ZNF319: variants seen among roughly 807,000 people sequenced by gnomAD.
The protein encoded by ZNF319 is zinc finger protein 319.
Under a neutral mutation model 46.0 loss-of-function variants are expected in ZNF319, and 15 were observed. That is an observed-to-expected ratio of 0.33 (90% CI 0.22 to 0.50). The LOEUF (loss-of-function observed/expected upper bound fraction) is 0.50, where lower values mean the gene tolerates loss of function less well. ZNF319 is among the 20% of genes least tolerant of loss of function. ZNF319 has a pLI of 0.98. For missense variants in ZNF319, 635 were observed against 807.0 expected, an observed-to-expected ratio of 0.79 and a Z score of 2.58; for synonymous variants, 368 against 364.0, an observed-to-expected ratio of 1.01 and a Z score of -0.13.
Position 57,996,651 on chromosome 16 carries a change from C to A in ZNF319, c.1615G>T (p.Glu539Ter), listed in dbSNP as rs1350267249. 1 of 1,612,674 alleles carries A rather than the reference C, an allele frequency of 6.2e-7. No homozygotes were observed. The stretch of plus-strand genomic sequence containing the variant: ...CACCATACACACTTGAACTGCTGCT[C>A]GCGGGCGTGCACGCCCTGGTGCTTG... ...LNKHQGVHAR[E>*]QQFKCVWCGE... Residue 539 changes from glutamate (E) to a stop codon, truncating the protein, a stop_gained, in exon 2 of 2, where the codon GAG (glutamate) becomes TAG (stop). Coordinates refer to ENST00000299237, the MANE Select transcript of ZNF319 (RefSeq NM_020807.3). LOFTEE classifies it high-confidence loss of function.
At position 57,997,156 on chromosome 16, in the gene ZNF319, G is replaced by C. The variant is rs770146066; in HGVS notation, c.1110C>G (p.Pro370=). 6.2e-7 allele frequency: 1 copy of C among 1,613,880 alleles called. No homozygotes were observed. Among genetic ancestry groups the C allele is most frequent in the Admixed American group, 1.7e-5 (1 of 60,008 alleles). Reference sequence around the variant, plus strand: ...CCTTCTCACATAGGCCGCATTTGAAGGGCTCCTCGGTCTTGTGTGTGCGCC... The same window carrying C: ...CCTTCTCACATAGGCCGCATTTGAACGGCTCCTCGGTCTTGTGTGTGCGCC... The part of the protein sequence containing the change: ...RHRRTHKTEE[P]FKCGLCEKGF... The change falls in exon 2 of 2, where the codon CCC becomes CCG. Residue 370 remains proline, a synonymous_variant. Transcript: ENST00000299237.
chr16:57,997,062 G>T lies in ZNF319; in HGVS notation c.1204C>A (p.Pro402Thr), dbSNP rs751213346. ...VHTLETLFKC[P>T]VCQKGFDQSA... The stretch of plus-strand genomic sequence containing the variant: ...TGGTCAAAGCCTTTCTGGCACACGG[G>T]GCACTTGAAGAGAGTCTCGAGGGTG... Residue 402 changes from proline (P) to threonine (T), a missense_variant, in exon 2 of 2, where the codon CCC becomes ACC. Transcript: ENST00000299237. 6.2e-7 allele frequency: 1 copy of T among 1,613,468 alleles called. No homozygotes were observed. Among genetic ancestry groups the T allele is most frequent in the Non-Finnish European group, 8.5e-7 (1 of 1,179,910 alleles).
Position 57,995,413 on chromosome 16 carries a change from C to T in ZNF319, c.*1104G>A, listed in dbSNP as rs889321799. ...TGAAGTAGCTGGATGTTGTCCAGAA[C>T]ATCTTGGCTGTACCAGACCCCTGGG... On this transcript the variant is annotated 3_prime_UTR_variant, in exon 2 of 2. Coordinates refer to ENST00000299237, the MANE Select transcript of ZNF319 (RefSeq NM_020807.3). The T allele has an allele frequency of 6.6e-6, 1 of 152,572 alleles. No individual in the cohort carries two copies. Among genetic ancestry groups the T allele is most frequent in the East Asian group, 1.9e-4 (1 of 5,190 alleles). The allele number at this position is 152,572 out of a possible 1,614,324, so 9.5% of individuals were successfully genotyped here.
At position 57,996,462 on chromosome 16, in the gene ZNF319, T is replaced by A. The variant is rs1054252963; in HGVS notation, c.*55A>T. On this transcript the variant is annotated 3_prime_UTR_variant, in exon 2 of 2. Coordinates refer to ENST00000299237, the MANE Select transcript of ZNF319 (RefSeq NM_020807.3). ...GTGAGGAGCTAGGCTGCGCGAGGCC[T>A]GCTGGGCCCACGGCGCCGACTCAGG... 5.5e-6 allele frequency: 8 copies of A among 1,457,334 alleles called. No homozygotes were observed. Among genetic ancestry groups the A allele is most frequent in the Non-Finnish European group, 7.2e-6 (8 of 1,110,316 alleles). The allele number at this position is 1,457,334 out of a possible 1,614,324, so 90.3% of individuals were successfully genotyped here.
At position 57,998,310 on chromosome 16, in the gene ZNF319, T is replaced by C. The variant is rs1963070669; in HGVS notation, c.-45A>G. On this transcript the variant is annotated 5_prime_UTR_variant, in exon 2 of 2. Coordinates refer to ENST00000299237, the MANE Select transcript of ZNF319 (RefSeq NM_020807.3). The stretch of plus-strand genomic sequence containing the variant: ...GGTTTGGAGAGTAATGGCTTCAGTT[T>C]CCCGCTTCACGTGACCCAATCCAGA... 6 of 1,510,824 alleles carry C rather than the reference T, an allele frequency of 4.0e-6. No homozygotes were observed. Among genetic ancestry groups the C allele is most frequent in the Non-Finnish European group, 3.5e-6 (4 of 1,128,916 alleles). 93.6% of individuals were successfully genotyped at this position (1,510,824 alleles called of 1,614,324 possible).
rs1166718856 is a variant in ZNF319, at chr16:57,997,314, C to T, written c.952G>A (p.Gly318Ser). ...TPSGERPFRC[G>S]ECQKAFKRPS... ...CGCTTGAAGGCCTTCTGGCACTCGCCGCAGCGGAAGGGCCGCTCCCCACTT... is the reference window on the plus strand; with the variant it reads ...CGCTTGAAGGCCTTCTGGCACTCGCTGCAGCGGAAGGGCCGCTCCCCACTT... The change falls in exon 2 of 2, where the codon GGC (glycine) becomes AGC (serine). Residue 318 changes from glycine to serine, a missense_variant. Gly to Ser is a moderately conservative substitution (Grantham distance 56, BLOSUM62 0). This residue lies in a region of ZNF319 where 138 missense variants were observed against 248.0 expected (regional missense o/e 0.56). Coordinates refer to ENST00000299237, the MANE Select transcript of ZNF319 (RefSeq NM_020807.3). 2 of 1,610,046 alleles carry T rather than the reference C, an allele frequency of 1.2e-6. No individual in the cohort carries two copies. Among genetic ancestry groups the T allele is most frequent in the African/African-American group, 2.7e-5 (2 of 74,536 alleles).
intron 1 of ZNF319, among the ~76,000 whole-genome samples, 175 bp downstream of exon 1, chr16:57,999,318 A>G (rs1268813387): frequency 6.6e-6 from 1 of 152,146 alleles, no homozygotes; most frequent in East Asian, 1.9e-4. Flanking sequence ...GCCTGCAGGA[A>G]AATGTAAGAA....
chr16:57,996,760 C>T lies in ZNF319; in HGVS notation c.1506G>A (p.Gln502=), dbSNP rs753556245. 1 of 1,611,724 alleles carries T rather than the reference C, an allele frequency of 6.2e-7. No homozygotes were observed. Among genetic ancestry groups the T allele is most frequent in the South Asian group, 1.1e-5 (1 of 90,828 alleles). ...CGCCTGTGTGTACCCGCCGGTGCCG[C>T]TGCAGGTCTGACGCGTACTTGAAGC... ...EKRFKYASDL[Q]RHRRVHTGEK... The change falls in exon 2 of 2, where the codon CAG becomes CAA. Residue 502 remains glutamine, a synonymous_variant. Coordinates refer to ENST00000299237, the MANE Select transcript of ZNF319 (RefSeq NM_020807.3).
chr16:57,996,338 G>A lies in ZNF319; in HGVS notation c.*179C>T. 1.5e-6 allele frequency: 2 copies of A among 1,297,622 alleles called. No individual in the cohort carries two copies. The highest frequency in any genetic ancestry group is 2.0e-6 in the Non-Finnish European group (2 of 985,990). The allele number at this position is 1,297,622 out of a possible 1,614,324, so 80.4% of individuals were successfully genotyped here. A position where few individuals can be genotyped will look rare whatever the true frequency, so the allele number is the denominator to read the frequency against. ...CCCGCACTGCCCGCTGGTGCCAGGA[G>A]TACGAGCGGCACACCCTCTCCCTGC... On this transcript the variant is annotated 3_prime_UTR_variant, in exon 2 of 2. Coordinates refer to ENST00000299237, the MANE Select transcript of ZNF319 (RefSeq NM_020807.3).
chr16:58,000,648 G>A lies in ZNF319; in HGVS notation c.-1413C>T, dbSNP rs1355448768. Among the ~76,000 whole-genome samples, 1 of 148,906 alleles carries A rather than the reference G, an allele frequency of 6.7e-6. No individual in the cohort carries two copies. Among genetic ancestry groups the A allele is most frequent in the Non-Finnish European group, 1.5e-5 (1 of 66,860 alleles). Reference sequence around the variant, plus strand: ...GGAGCGCCGGGAGGGCGGGCGGACGGACCGATGGCCTTGCGGAGACGGGCG... The same window carrying A: ...GGAGCGCCGGGAGGGCGGGCGGACGAACCGATGGCCTTGCGGAGACGGGCG... On this transcript the variant is annotated 5_prime_UTR_variant, in exon 1 of 2. Transcript: ENST00000299237. This position sits in a 1 kb window ranked among gnomAD's most constrained non-coding sequence, Gnocchi z 4.5.
Position 57,998,162 on chromosome 16 carries a change from G to A in ZNF319, c.104C>T (p.Thr35Met), listed in dbSNP as rs377747195. 17 of 1,572,428 alleles carry A rather than the reference G, an allele frequency of 1.1e-5. No individual in the cohort carries two copies. In the South Asian group the frequency reaches 1.3e-4, roughly 12 times the overall value. ...GTTCTCCGCCGTGCCCGGAGGCAGC[G>A]TGTGCTCTGCCAGGGCTGGCGGTGG... ...AEPPPALAEH[T>M]LPPGTAENPL... Residue 35 changes from threonine (T) to methionine (M), a missense_variant, in exon 2 of 2, where the codon ACG becomes ATG. Around this residue, in one of 3 missense-constraint regions of ZNF319, gnomAD observed 227 missense variants for 277.5 expected, o/e 0.82. Coordinates refer to ENST00000299237, the MANE Select transcript of ZNF319 (RefSeq NM_020807.3).
rs776560213 is a variant in ZNF319 at position 57,996,806 on chromosome 16, T to C, written c.1460A>G (p.Lys487Arg). 6 of 1,610,440 alleles carry C rather than the reference T, an allele frequency of 3.7e-6. No individual in the cohort carries two copies. The highest frequency in any genetic ancestry group is 5.1e-6 in the Non-Finnish European group (6 of 1,179,108). Reference sequence around the variant, plus strand: ...GAAGCGTTTCTCGCAGTCTGGGCACTTGAGTGGCTTCTCGCGGGCCGGATC... The same window carrying C: ...GAAGCGTTTCTCGCAGTCTGGGCACCTGAGTGGCTTCTCGCGGGCCGGATC... ...RCDPAREKPL[K>R]CPDCEKRFKY... Residue 487 changes from lysine to arginine, a missense_variant, in exon 2 of 2, where the codon AAG (lysine) becomes AGG (arginine). By Grantham distance (26) the Lys-to-Arg change is conservative (BLOSUM62 2). This residue lies in a region of ZNF319 where 270 missense variants were observed against 281.4 expected (regional missense o/e 0.96). Coordinates refer to ENST00000299237, the MANE Select transcript of ZNF319 (RefSeq NM_020807.3).
At position 57,997,405 on chromosome 16, in the gene ZNF319, G is replaced by T; in HGVS notation, c.861C>A (p.Phe287Leu). The change falls in exon 2 of 2, where the codon TTC becomes TTA. Residue 287 changes from phenylalanine to leucine, a missense_variant. Physicochemically the swap from Phe to Leu is conservative, Grantham distance 22 (BLOSUM62 0). Transcript: ENST00000299237. ...AATGCAACTCGCACACGTTGCAGCG[G>T]AACAGGTGGTGCTCGCCCGAGTGCG... Reference protein sequence around the residue: ...MYAHSGEHHLFRCNVCELHFK... With the variant: ...MYAHSGEHHLLRCNVCELHFK... The T allele has an allele frequency of 1.2e-6, 2 of 1,612,416 alleles. No individual in the cohort carries two copies. Among genetic ancestry groups the T allele is most frequent in the Non-Finnish European group, 1.7e-6 (2 of 1,179,360 alleles).
Position 57,996,622 on chromosome 16 carries a change from C to T in ZNF319, c.1644G>A (p.Gly548=), listed in dbSNP as rs201173842. Reference sequence around the variant, plus strand: ...ACAAGGCCACGTCTAGGAAGCGCTCCCCGCACCATACACACTTGAACTGCT... The same window carrying T: ...ACAAGGCCACGTCTAGGAAGCGCTCTCCGCACCATACACACTTGAACTGCT... The part of the protein sequence containing the change: ...REQQFKCVWC[G]ERFLDVALLQ... The change falls in exon 2 of 2, where the codon GGG becomes GGA. Residue 548 remains glycine, a synonymous_variant. Transcript: ENST00000299237. 1.9e-6 allele frequency: 3 copies of T among 1,610,448 alleles called. No individual in the cohort carries two copies. Among genetic ancestry groups the T allele is most frequent in the East Asian group, 4.5e-5 (2 of 44,868 alleles).
Position 58,000,235 on chromosome 16 carries a change from C to G in ZNF319, c.-1000G>C, listed in dbSNP as rs1162561731. Among the ~76,000 whole-genome samples the G allele has an allele frequency of 6.6e-6, 1 of 152,042 alleles. No homozygotes were observed. Among genetic ancestry groups the G allele is most frequent in the East Asian group, 1.9e-4 (1 of 5,158 alleles). ...AAGGCCCCAGGGCTACAGGCCGGGC[C>G]CAGGAAGCGGCTGCGCCTCGAGGCC... is the stretch of plus-strand genomic sequence containing the variant. On this transcript the variant is annotated 5_prime_UTR_variant, in exon 1 of 2. Coordinates refer to ENST00000299237, the MANE Select transcript of ZNF319 (RefSeq NM_020807.3). This position sits in a 1 kb window ranked among gnomAD's most constrained non-coding sequence, Gnocchi z 4.5.
Position 57,996,570 on chromosome 16 carries a change from C to T in ZNF319, c.1696G>A (p.Ala566Thr), listed in dbSNP as rs1357525676. ...LLQEHSAQHS[A>T]AAAAAEGAYQ... The stretch of plus-strand genomic sequence containing the variant: ...GCGCCCTCCGCTGCCGCGGCGGCGG[C>T]ACTGTGCTGCGCGCTGTGCTCCTGC... The change falls in exon 2 of 2, where the codon GCC (alanine) becomes ACC (threonine). Residue 566 changes from alanine (A) to threonine (T), a missense_variant. Around this residue, in one of 3 missense-constraint regions of ZNF319, gnomAD observed 270 missense variants for 281.4 expected, o/e 0.96. Transcript: ENST00000299237. The T allele has an allele frequency of 8.8e-6, 14 of 1,585,830 alleles. No homozygotes were observed. The highest frequency in any genetic ancestry group is 1.0e-5 in the Non-Finnish European group (12 of 1,172,284).
chr16:57,997,538 G>A lies in ZNF319; in HGVS notation c.728C>T (p.Ser243Leu). Residue 243 changes from serine to leucine, a missense_variant, in exon 2 of 2, where the codon TCG becomes TTG. By Grantham distance (145) the Ser-to-Leu change is moderately radical. This residue lies in a region of ZNF319 where 138 missense variants were observed against 248.0 expected (regional missense o/e 0.56). Transcript: ENST00000299237. The stretch of plus-strand genomic sequence containing the variant: ...CGTGCGCTTGTGGTGCACCAGGTGC[G>A]ACGACTGGCTGAAGCTTTTGTCACA... ...TLCDKSFSQS[S>L]HLVHHKRTHS... The A allele has an allele frequency of 6.2e-7, 1 of 1,613,560 alleles. No homozygotes were observed.
Position 57,995,215 on chromosome 16 carries a change from C to A in ZNF319, c.*1302G>T. The A allele has an allele frequency of 6.6e-6, 1 of 152,430 alleles. No individual in the cohort carries two copies. The highest frequency in any genetic ancestry group is 1.5e-5 in the Non-Finnish European group (1 of 68,076). 9.4% of individuals were successfully genotyped at this position (152,430 alleles called of 1,614,324 possible). On this transcript the variant is annotated 3_prime_UTR_variant, in exon 2 of 2. Transcript: ENST00000299237. ...GTCCTTCTGGGCTTCCTAAGGAGGG[C>A]CGTAGCCACCCAGCGATGTTGGTCA...
In ZNF319 at chr16:57,997,537, C is replaced by G; in HGVS notation, c.729G>C (p.Ser243=). The change falls in exon 2 of 2, where the codon TCG becomes TCC. Residue 243 remains serine (S), a synonymous_variant. Coordinates refer to ENST00000299237, the MANE Select transcript of ZNF319 (RefSeq NM_020807.3). ...GCGTGCGCTTGTGGTGCACCAGGTG[C>G]GACGACTGGCTGAAGCTTTTGTCAC... The part of the protein sequence containing the change: ...TLCDKSFSQS[S]HLVHHKRTHS... 1 of 1,613,484 alleles carries G rather than the reference C, an allele frequency of 6.2e-7. No individual in the cohort carries two copies. The highest frequency in any genetic ancestry group is 1.3e-5 in the African/African-American group (1 of 75,036).
Sources: allele counts gnomAD v4.1 joint callset (sites outside exome capture counted in the v4.1 genomes callset), GRCh38; gene constraint gnomAD v4.1.1; regional missense constraint gnomAD v4.1.1; non-coding constraint Gnocchi (gnomAD v3.1); transcripts MANE v1.5; gene names NCBI Gene and HGNC (gene_info 2026-07-23, HGNC 2026-07-21).